Variants in CEP78 observed in about 807,000 individuals in gnomAD.
CEP78 encodes centrosomal protein 78.
In CEP78, 76 loss-of-function variants were observed where a neutral mutation model predicts 81.2. The observed-to-expected ratio is 0.94, with a 90% CI of 0.78 to 1.13. The LOEUF (loss-of-function observed/expected upper bound fraction) is 1.13, where lower values mean the gene tolerates loss of function less well. Ranked by LOEUF, CEP78 falls within the 50% of genes most tolerant of loss-of-function variation. CEP78 has a pLI of 0.00. For missense variants in CEP78, 918 were observed against 846.8 expected, an observed-to-expected ratio of 1.08 and a Z score of -1.04; for synonymous variants, 293 against 301.4, an observed-to-expected ratio of 0.97 and a Z score of 0.29.
Position 78,246,800 on chromosome 9 carries a change from T to A in CEP78, c.892+18T>A, listed in dbSNP as rs756028255. ...ACTCATTGGTATGTCGCTACAATATTTTTTATTGACTAACAAATAGCAAAA... is the reference window on the plus strand; with the variant it reads ...ACTCATTGGTATGTCGCTACAATATATTTTATTGACTAACAAATAGCAAAA... On this transcript the variant is annotated intron_variant, in intron 6 of 16. Transcript: ENST00000643273. 7.3e-7 allele frequency: 1 copy of A among 1,373,786 alleles called. No homozygotes were observed. Among genetic ancestry groups the A allele is most frequent in the Non-Finnish European group, 1.0e-6 (1 of 987,754 alleles). 85.1% of individuals were successfully genotyped at this position (1,373,786 alleles called of 1,614,324 possible).
rs1403910740 is a variant in CEP78, at chr9:78,260,732, G to A, written c.1381-2175G>A. 2.0e-5 allele frequency among the ~76,000 whole-genome samples: 3 copies of A among 150,322 alleles called. No individual in the cohort carries two copies. The East Asian group carries it at 5.9e-4, about 30-fold the overall frequency. On this transcript the variant is annotated intron_variant, in intron 11 of 16. Transcript: ENST00000643273. The stretch of plus-strand genomic sequence containing the variant: ...AAAAAAAAAAAAAAAAAAAGTCAGA[G>A]TTATGAGTTCTCTGATTCAGTGTTA...
At chr9:78,264,591 C>T (rs1015711166) in intron 13 of CEP78, among the ~76,000 whole-genome samples, 1 of 146,524 alleles carries the variant, frequency 6.8e-6, no homozygotes, top group Non-Finnish European at 1.5e-5. Flanking sequence ...AGGAGGATCA[C>T]TTGAGCCCAG....
At chr9:78,250,192 T>G in intron 8 of CEP78, 1 of 398,076 alleles carries the variant, frequency 2.5e-6, no homozygotes, top group Non-Finnish European at 4.4e-6. Context: ...ACAAGCTCAC[T>G]GAGCTATTTT....
rs1827762077 is a variant in CEP78 at position 78,274,482 on chromosome 9, TATA to T, written c.*3638_*3640del. The T allele has an allele frequency of 6.6e-6, 1 of 152,152 alleles. No individual in the cohort carries two copies. Among genetic ancestry groups the T allele is most frequent in the Non-Finnish European group, 1.5e-5 (1 of 68,042 alleles). The allele number at this position is 152,152 out of a possible 1,614,324, so 9.4% of individuals were successfully genotyped here. ...ACTCTCAAAAAAATTAGTTTTACTCTATAATAATATTAGAGCTTAAAAAATTCA... is the reference window on the plus strand; with the variant it reads ...ACTCTCAAAAAAATTAGTTTTACTCTATAATATTAGAGCTTAAAAAATTCA... On this transcript the variant is annotated 3_prime_UTR_variant, in exon 17 of 17. Transcript: ENST00000643273.
rs916843905 is a variant in CEP78 at position 78,277,690 on chromosome 9, T to C, written c.*6839T>C. ...AGTGTGTATCAACATGTGAAATGTC[T>C]CCAGCCTTTGATCTAATGACTAATT... On this transcript the variant is annotated 3_prime_UTR_variant, in exon 17 of 17. Coordinates refer to ENST00000643273, the MANE Select transcript of CEP78 (RefSeq NM_001330691.3). 3.9e-5 allele frequency: 6 copies of C among 152,186 alleles called. No individual in the cohort carries two copies. The highest frequency in any genetic ancestry group is 1.2e-4 in the African/African-American group (5 of 41,460). The allele number at this position is 152,186 out of a possible 1,614,324, so 9.4% of individuals were successfully genotyped here. A position where few individuals can be genotyped will look rare whatever the true frequency, so the allele number is the denominator to read the frequency against.
At chr9:78,251,251 G>A (rs1326071372) in intron 8 of CEP78, among the ~76,000 whole-genome samples, 1 of 152,112 alleles carries the variant, frequency 6.6e-6, no homozygotes, top group Non-Finnish European at 1.5e-5. Context: ...TTCTGTAAAA[G>A]CAAATGAACA....
chr9:78,236,511 A>T lies in CEP78; in HGVS notation c.161A>T (p.Asp54Val). The T allele has an allele frequency of 6.2e-7, 1 of 1,607,028 alleles. No individual in the cohort carries two copies. ...AACGCCGACCGCCTCCGCGGGGTGGACTGGGCGCCTCTGCTGAGCACCCTC... is the reference window on the plus strand; with the variant it reads ...AACGCCGACCGCCTCCGCGGGGTGGTCTGGGCGCCTCTGCTGAGCACCCTC... ...DFNADRLRGV[D>V]WAPLLSTLKI... The change falls in exon 1 of 17, where the codon GAC becomes GTC. Residue 54 changes from aspartate to valine, a missense_variant. Transcript: ENST00000643273.
chr9:78,240,458 C>T, intron 3 of CEP78, 94 bp downstream of exon 3: 2 of 1,043,630 alleles, frequency 1.9e-6, no homozygotes, highest in Non-Finnish European at 1.5e-6. Context: ...TTTTTTCTTA[C>T]TACTGCCTCA....
At chr9:78,269,846 GA>G (rs1047163151) in intron 16 of CEP78, among the ~76,000 whole-genome samples, 6 of 152,210 alleles carry the variant, frequency 3.9e-5, no homozygotes, top group Non-Finnish European at 8.8e-5. Context: ...AAGGTGAAAG[GA>G]AAGAACCAAG....
chr9:78,246,155 T>G (rs1826469112), intron 5 of CEP78, among the ~76,000 whole-genome samples: 2 of 152,170 alleles, frequency 1.3e-5, no homozygotes, highest in South Asian at 4.1e-4. Flanking sequence ...TCATGACACA[T>G]CTATGAAGAG....
At chr9:78,262,817 C>G in intron 11 of CEP78, 90 bp from the exon 12 acceptor site, 1 of 703,698 alleles carries the variant, frequency 1.4e-6, no homozygotes, top group East Asian at 2.8e-5. Context: ...TGGCTCTGTC[C>G]CTAAACACTT....
chr9:78,257,688 A>G (rs1401577535), intron 11 of CEP78, among the ~76,000 whole-genome samples: 1 of 152,168 alleles, frequency 6.6e-6, no homozygotes, highest in East Asian at 1.9e-4. Context: ...AACAAATTAA[A>G]CTATGGCAGA....
intron 16 of CEP78, chr9:78,266,941 G>A (rs1296270608): frequency 3.5e-6 from 5 of 1,420,916 alleles, no homozygotes; most frequent in South Asian, 1.6e-5. Context: ...CATTCTGAAA[G>A]TGATACTCTT....
At position 78,270,968 on chromosome 9, in the gene CEP78, A is replaced by G. The variant is rs1399617303; in HGVS notation, c.*117A>G. ...GATTTAAGTACCAGTTAATTAAAGG[A>G]TGGAACAGCTAAGCCATTCCACTCA... On this transcript the variant is annotated 3_prime_UTR_variant, in exon 17 of 17. Transcript: ENST00000643273. 1 of 578,462 alleles carries G rather than the reference A, an allele frequency of 1.7e-6. No homozygotes were observed. The highest frequency in any genetic ancestry group is 1.9e-5 in the African/African-American group (1 of 51,810). The allele number at this position is 578,462 out of a possible 1,614,324, so 35.8% of individuals were successfully genotyped here.
intron 13 of CEP78, 68 bp downstream of exon 13, chr9:78,264,384 A>C: frequency 7.5e-7 from 1 of 1,339,882 alleles, no homozygotes; most frequent in South Asian, 1.2e-5. Flanking sequence ...GAGGAACTTG[A>C]GCAATTTTTA....
At position 78,243,603 on chromosome 9, in the gene CEP78, G is replaced by T. The variant is rs1439262239; in HGVS notation, c.745G>T (p.Ala249Ser). The T allele has an allele frequency of 1.2e-6, 2 of 1,613,702 alleles. No homozygotes were observed. The highest frequency in any genetic ancestry group is 4.5e-5 in the East Asian group (2 of 44,862). Residue 249 changes from alanine to serine, a missense_variant, in exon 5 of 17, where the codon GCA (alanine) becomes TCA (serine). Transcript: ENST00000643273. ...LIGDLGACAF[A>S]DSLSEDLWLR... ...TGGTGACCTAGGTGCATGTGCTTTT[G>T]CAGACTCTCTCAGTGAGGATTTATG...
chr9:78,248,706 G>A lies in CEP78; in HGVS notation c.958-56G>A, dbSNP rs1239585491. 6 of 906,974 alleles carry A rather than the reference G, an allele frequency of 6.6e-6. No homozygotes were observed. The Admixed American group carries it at 1.2e-4, about 18-fold the overall frequency. 56.2% of individuals were successfully genotyped at this position (906,974 alleles called of 1,614,324 possible). ...TATCTTAACAATTTCCATTTAAGATGTAGCCCTCATAAATGATCTGTAACT... is the reference window on the plus strand; with the variant it reads ...TATCTTAACAATTTCCATTTAAGATATAGCCCTCATAAATGATCTGTAACT... On this transcript the variant is annotated intron_variant, in intron 7 of 16. Transcript: ENST00000643273.
chr9:78,239,651 C>A (rs149096940), intron 1 of CEP78, among the ~76,000 whole-genome samples: 21 of 152,188 alleles, frequency 1.4e-4, no homozygotes, highest in Admixed American at 1.2e-3. Context: ...CTTCCGGCTA[C>A]GGCTCTGGGC....
intron 8 of CEP78, chr9:78,250,128 CAA>C: frequency 2.5e-6 from 1 of 394,644 alleles, no homozygotes; most frequent in Non-Finnish European, 4.5e-6. Flanking sequence ...GAATAAAAAA[CAA>C]AAATCTTTTT....
Sources: gnomAD v4.1 joint callset for allele counts (sites outside exome capture counted in the v4.1 genomes callset) on GRCh38, gnomAD v4.1.1 for gene constraint, MANE v1.5 for transcripts, NCBI Gene and HGNC (gene_info 2026-07-23, HGNC 2026-07-21) for gene names.